NKAIN2: variants seen among roughly 807,000 people sequenced by gnomAD.
The protein encoded by NKAIN2 is sodium/potassium transporting ATPase interacting 2.
In NKAIN2, 14 loss-of-function variants were observed where a neutral mutation model predicts 32.6. The observed-to-expected ratio is 0.43, with a 90% CI of 0.28 to 0.67. The LOEUF is 0.67. Ranked by LOEUF, NKAIN2 falls within the 30% of genes least tolerant of loss-of-function variation. The probability of loss-of-function intolerance (pLI) is 0.17; values close to 1 mark genes in which losing one functional copy is unlikely to be tolerated. For synonymous variants in NKAIN2, 80 were observed against 87.2 expected, an observed-to-expected ratio of 0.92 and a Z score of 0.46; for missense variants, 198 against 258.3, an observed-to-expected ratio of 0.77 and a Z score of 1.60.
rs1012214766 is a variant in NKAIN2 at position 124,049,583 on chromosome 6, C to T, written c.55-233422C>T. 2.6e-5 allele frequency among the ~76,000 whole-genome samples: 4 copies of T among 152,060 alleles called. No individual in the cohort carries two copies. In the East Asian group the frequency reaches 7.7e-4, roughly 29 times the overall value. On this transcript the variant is annotated intron_variant, in intron 1 of 6. Transcript: ENST00000368417. ...GTGATTTCAGTTACCTGTAGTCAAC[C>T]ACAGTCTGTAAATAGTAAATGGAAC...
At chr6:124,514,495 G>A (rs1207569569) in intron 3 of NKAIN2, among the ~76,000 whole-genome samples, 6 of 152,126 alleles carry the variant, frequency 3.9e-5, no homozygotes, top group Non-Finnish European at 8.8e-5. Flanking sequence ...GAATCTCTAG[G>A]AGGGGAGCCA....
intron 3 of NKAIN2, among the ~76,000 whole-genome samples, chr6:124,397,394 G>A (rs75634317): frequency 0.021 from 3,231 of 152,030 alleles, 49 homozygotes; most frequent in Non-Finnish European, 0.032. Context: ...TAAGAACAAC[G>A]ATAATATAAT....
chr6:124,304,681 C>T (rs1054871877), intron 2 of NKAIN2, among the ~76,000 whole-genome samples: 3 of 151,512 alleles, frequency 2.0e-5, no homozygotes, highest in Admixed American at 2.0e-4. Flanking sequence ...TTTGGGAGGC[C>T]AAGGTGGGGG....
chr6:124,504,291 G>T (rs961884232), intron 3 of NKAIN2, among the ~76,000 whole-genome samples: 3 of 152,076 alleles, frequency 2.0e-5, no homozygotes, highest in African/African-American at 7.2e-5. Context: ...TTGCATAGGA[G>T]TGATGTTTTT....
At chr6:124,284,812 A>G (rs936072278) in intron 2 of NKAIN2, among the ~76,000 whole-genome samples, 9 of 152,082 alleles carry the variant, frequency 5.9e-5, no homozygotes, top group African/African-American at 2.2e-4. Flanking sequence ...CCTGTGTAAC[A>G]TAGCAATAGG....
At chr6:124,204,929 T>C (rs1399912689) in intron 1 of NKAIN2, among the ~76,000 whole-genome samples, 1 of 151,586 alleles carries the variant, frequency 6.6e-6, no homozygotes, top group Non-Finnish European at 1.5e-5. Flanking sequence ...TTTTATGTCA[T>C]TATATTTATT....
intron 2 of NKAIN2, among the ~76,000 whole-genome samples, chr6:124,335,418 A>G (rs147464728): frequency 4.7e-4 from 72 of 152,268 alleles, no homozygotes; most frequent in East Asian, 2.9e-3. Flanking sequence ...TTGATGTCTC[A>G]TATTTCCCAA....
chr6:124,557,527 GA>G (rs1283421620), intron 3 of NKAIN2, among the ~76,000 whole-genome samples: 1 of 152,124 alleles, frequency 6.6e-6, no homozygotes, highest in Non-Finnish European at 1.5e-5. Context: ...TACTGTAACT[GA>G]GTTTTTTTTA....
intron 1 of NKAIN2, among the ~76,000 whole-genome samples, chr6:124,157,181 G>A (rs1017102074): frequency 6.8e-6 from 1 of 146,458 alleles, no homozygotes; most frequent in African/African-American, 2.5e-5. Flanking sequence ...AGATATTCTT[G>A]GGATACATAC....
intron 1 of NKAIN2, among the ~76,000 whole-genome samples, chr6:123,971,263 T>C (rs1778329562): frequency 6.6e-6 from 1 of 152,112 alleles, no homozygotes; most frequent in African/African-American, 2.4e-5. Context: ...CAAGGCACTA[T>C]TTAGCCTAGA....
intron 1 of NKAIN2, among the ~76,000 whole-genome samples, chr6:124,177,102 T>C (rs2114525560): frequency 6.6e-6 from 1 of 152,288 alleles, no homozygotes; most frequent in South Asian, 2.1e-4. Flanking sequence ...ATCTACCAAA[T>C]ATTTTTTGAA....
intron 1 of NKAIN2, among the ~76,000 whole-genome samples, chr6:123,937,481 T>C (rs1177926451): frequency 6.6e-6 from 1 of 152,038 alleles, no homozygotes; most frequent in Non-Finnish European, 1.5e-5. Flanking sequence ...ACTTATTTGC[T>C]CCAGTTTATA....
chr6:124,725,794 A>G (rs1490036693), intron 4 of NKAIN2, among the ~76,000 whole-genome samples: 1 of 152,176 alleles, frequency 6.6e-6, no homozygotes, highest in Non-Finnish European at 1.5e-5. Context: ...CATCTGAGGT[A>G]CCAGGTTCAT....
chr6:123,938,411 TATATATATATATATA>T (rs1776631427), intron 1 of NKAIN2, among the ~76,000 whole-genome samples: 3 of 70,102 alleles, frequency 4.3e-5, no homozygotes, highest in Admixed American at 4.0e-4. Flanking sequence ...TATATATATA[TATATATATATATATA>T]TATATATATA....
intron 1 of NKAIN2, among the ~76,000 whole-genome samples, chr6:124,075,370 A>G (rs1783648272): frequency 6.6e-6 from 1 of 152,216 alleles, no homozygotes; most frequent in African/African-American, 2.4e-5. Context: ...GTCTGTGCAT[A>G]TAAGCATGAT....
intron 1 of NKAIN2, among the ~76,000 whole-genome samples, chr6:123,984,900 T>G (rs1268113390): frequency 6.6e-6 from 1 of 152,106 alleles, no homozygotes. Flanking sequence ...ATAAGCAAAA[T>G]TATGACATAA....
At chr6:123,896,104 T>C (rs951312741) in intron 1 of NKAIN2, among the ~76,000 whole-genome samples, 2 of 152,188 alleles carry the variant, frequency 1.3e-5, no homozygotes, top group African/African-American at 4.8e-5. Context: ...ATGATAACCC[T>C]GAGTCATTAA....
intron 1 of NKAIN2, among the ~76,000 whole-genome samples, chr6:123,992,941 T>C (rs1438310147): frequency 1.3e-5 from 2 of 152,224 alleles, no homozygotes; most frequent in Non-Finnish European, 2.9e-5. Context: ...CATATTATCA[T>C]AGTTTGAAGC....
chr6:124,746,812 GGAC>G (rs970198125), intron 4 of NKAIN2, among the ~76,000 whole-genome samples: 1 of 151,722 alleles, frequency 6.6e-6, no homozygotes. Flanking sequence ...GTGACCTATG[GGAC>G]GTCGCTTCAT....
Sources: gnomAD v4.1 joint callset for allele counts (sites outside exome capture counted in the v4.1 genomes callset) on GRCh38, gnomAD v4.1.1 for gene constraint, MANE v1.5 for transcripts, NCBI Gene and HGNC (gene_info 2026-07-23, HGNC 2026-07-21) for gene names.